The following DENND1A variants were observed in gnomAD, a reference collection of about 807,000 sequenced individuals.
The protein encoded by DENND1A is DENN domain-containing protein 1A.
Under a neutral mutation model 113.7 loss-of-function variants are expected in DENND1A, and 51 were observed. That is an observed-to-expected ratio of 0.45 (90% CI 0.36 to 0.57). The LOEUF is 0.57. DENND1A is among the 20% of genes least tolerant of loss of function. DENND1A has a pLI of 0.00. For missense variants in DENND1A, 1,258 were observed against 1,395.9 expected, an observed-to-expected ratio of 0.90 and a Z score of 1.57; for synonymous variants, 565 against 570.8, an observed-to-expected ratio of 0.99 and a Z score of 0.14.
chr9:123,655,772 G>A (rs917545415), intron 8 of DENND1A, among the ~76,000 whole-genome samples: 6 of 152,312 alleles, frequency 3.9e-5, no homozygotes, highest in East Asian at 1.9e-4. Context: ...GCCAGAACAC[G>A]TTATGAGCTT....
intron 21 of DENND1A, chr9:123,401,599 C>T: frequency 7.1e-7 from 1 of 1,417,788 alleles, no homozygotes; most frequent in Non-Finnish European, 9.2e-7. Context: ...TCCCATGCTC[C>T]CACTGGTTTA....
intron 5 of DENND1A, among the ~76,000 whole-genome samples, chr9:123,729,281 GA>G (rs904459742): frequency 3.3e-5 from 5 of 152,118 alleles, no homozygotes; most frequent in Non-Finnish European, 5.9e-5. Flanking sequence ...GCAAAAGAAA[GA>G]AATAAAGGGC....
intron 13 of DENND1A, among the ~76,000 whole-genome samples, chr9:123,485,847 C>T (rs574741898): frequency 4.7e-5 from 7 of 150,338 alleles, no homozygotes; most frequent in East Asian, 1.9e-4. Context: ...CCTCCACATG[C>T]GGAGGCTAAA....
chr9:123,769,596 T>C (rs1440889147), intron 3 of DENND1A, 33 bp from the exon 4 acceptor site: 11 of 1,573,078 alleles, frequency 7.0e-6, no homozygotes, highest in Non-Finnish European at 9.5e-6. Context: ...TTTATACATC[T>C]AATGGGACCA....
chr9:123,446,904 G>T (rs1267878476), intron 18 of DENND1A, among the ~76,000 whole-genome samples: 7 of 152,198 alleles, frequency 4.6e-5, no homozygotes, highest in Non-Finnish European at 7.4e-5. Flanking sequence ...AAATCATTTT[G>T]ATACCGAAGA....
intron 13 of DENND1A, among the ~76,000 whole-genome samples, chr9:123,515,420 G>A (rs934665325): frequency 8.5e-5 from 13 of 152,094 alleles, no homozygotes; most frequent in South Asian, 2.1e-4. Flanking sequence ...GGAGTGAAGC[G>A]TCATAATAAC....
At chr9:123,726,689 T>G (rs377719467) in intron 5 of DENND1A, among the ~76,000 whole-genome samples, 1 of 152,298 alleles carries the variant, frequency 6.6e-6, no homozygotes, top group Admixed American at 6.5e-5. Flanking sequence ...TTAATAATGG[T>G]GAAAAAAACA....
intron 13 of DENND1A, among the ~76,000 whole-genome samples, chr9:123,523,452 G>C (rs1420532248): frequency 6.6e-6 from 1 of 152,204 alleles, no homozygotes; most frequent in African/African-American, 2.4e-5. Flanking sequence ...CAGAGTTAGA[G>C]ATCTGAACTC....
chr9:123,862,254 G>T (rs1268809129), intron 2 of DENND1A, among the ~76,000 whole-genome samples: 1 of 152,084 alleles, frequency 6.6e-6, no homozygotes, highest in Non-Finnish European at 1.5e-5. Context: ...TAAACTTTTA[G>T]CAGGAACATT....
At chr9:123,840,158 T>A (rs573827297) in intron 2 of DENND1A, among the ~76,000 whole-genome samples, 29 of 151,608 alleles carry the variant, frequency 1.9e-4, no homozygotes, top group East Asian at 7.7e-4. Context: ...TCAAAAAAAA[T>A]TTTTTTAAGT....
chr9:123,701,961 AC>A (rs1353109457), intron 5 of DENND1A, among the ~76,000 whole-genome samples: 4 of 152,248 alleles, frequency 2.6e-5, no homozygotes, highest in Admixed American at 6.5e-5. Flanking sequence ...AAAATGAGGT[AC>A]TAGTGACTGA....
At chr9:123,918,728 T>C (rs555875627) in intron 1 of DENND1A, among the ~76,000 whole-genome samples, 1 of 152,284 alleles carries the variant, frequency 6.6e-6, no homozygotes, top group East Asian at 1.9e-4. Context: ...ATGGTTGATA[T>C]GGAAAAGGTT....
At chr9:123,716,577 C>A (rs1265340773) in intron 5 of DENND1A, among the ~76,000 whole-genome samples, 1 of 151,030 alleles carries the variant, frequency 6.6e-6, no homozygotes, top group African/African-American at 2.5e-5. Context: ...CATGACAAGA[C>A]ATCCATTAAA....
rs142323756 is a variant in DENND1A, at chr9:123,525,940, T to G, written c.993+31630A>C. On this transcript the variant is annotated intron_variant, in intron 13 of 23. Coordinates refer to ENST00000394215, the MANE Select transcript of DENND1A (RefSeq NM_001352964.2). ...ACCAGCTAATTAAAAAAAATTTTTT[T>G]GTAGAGACAGGGTCTATGTCACCCA... 4.6e-3 allele frequency among the ~76,000 whole-genome samples: 703 copies of G among 152,058 alleles called. 3 individuals carry two copies. Among genetic ancestry groups the G allele is most frequent in the African/African-American group, 0.016 (675 of 41,460 alleles).
intron 5 of DENND1A, among the ~76,000 whole-genome samples, chr9:123,723,378 A>G (rs2067478085): frequency 6.6e-6 from 1 of 152,172 alleles, no homozygotes; most frequent in African/African-American, 2.4e-5. Context: ...GAAATCAGTT[A>G]AGACTTTGGG....
At chr9:123,402,568 T>C (rs1470408346) in intron 21 of DENND1A, 1 of 534,636 alleles carries the variant, frequency 1.9e-6, no homozygotes, top group East Asian at 5.4e-5. Flanking sequence ...TTTTTCTGAC[T>C]CCTCCAACAA....
At chr9:123,807,859 T>A (rs1303477981) in intron 2 of DENND1A, among the ~76,000 whole-genome samples, 1 of 152,182 alleles carries the variant, frequency 6.6e-6, no homozygotes, top group Non-Finnish European at 1.5e-5. Flanking sequence ...TCAGGAGAGA[T>A]GAAATTCCTG....
chr9:123,762,920 G>A (rs2071159181), intron 4 of DENND1A, among the ~76,000 whole-genome samples: 1 of 152,178 alleles, frequency 6.6e-6, no homozygotes, highest in South Asian at 2.1e-4. Context: ...AGAGATTCTG[G>A]GGACTGGAAA....
At chr9:123,654,580 C>T (rs556581609) in intron 8 of DENND1A, among the ~76,000 whole-genome samples, 2 of 152,156 alleles carry the variant, frequency 1.3e-5, no homozygotes, top group Non-Finnish European at 2.9e-5. Flanking sequence ...TGAGGCATGT[C>T]CCCCATCTCC....
Sources: allele counts gnomAD v4.1 joint callset (sites outside exome capture counted in the v4.1 genomes callset), GRCh38; gene constraint gnomAD v4.1.1; transcripts MANE v1.5; gene names NCBI Gene and HGNC (gene_info 2026-07-23, HGNC 2026-07-21).